Variants in SSR1 observed in about 807,000 individuals in gnomAD.
The protein encoded by SSR1 is translocon-associated protein subunit alpha.
In SSR1, 13 loss-of-function variants were observed where a neutral mutation model predicts 36.1. The observed-to-expected ratio is 0.36, with a 90% CI of 0.23 to 0.57. SSR1 has a LOEUF of 0.57. Ranked by LOEUF, SSR1 falls within the 20% of genes least tolerant of loss-of-function variation. SSR1 has a pLI of 0.81. For synonymous variants in SSR1, 113 were observed against 118.9 expected, an observed-to-expected ratio of 0.95 and a Z score of 0.32; for missense variants, 291 against 338.5, an observed-to-expected ratio of 0.86 and a Z score of 1.10.
intron 1 of SSR1, among the ~76,000 whole-genome samples, chr6:7,312,442 G>T (rs1478369967): frequency 2.0e-5 from 3 of 152,146 alleles, no homozygotes; most frequent in African/African-American, 7.2e-5. Flanking sequence ...GTGACGATGG[G>T]GTAGTTTTTC....
At chr6:7,307,020 T>C (rs1167645356) in intron 2 of SSR1, among the ~76,000 whole-genome samples, 1 of 152,016 alleles carries the variant, frequency 6.6e-6, no homozygotes, top group East Asian at 1.9e-4. Flanking sequence ...CAGCTGTTGA[T>C]ATCTTAGATC....
At position 7,309,408 on chromosome 6, in the gene SSR1, G is replaced by C. The variant is rs1758138364; in HGVS notation, c.192+509C>G. ...GCCCAGGAGTTCGAGGCTGCAGTGAGCTATGCTCGTGCCACTGCACTCCAG... is the reference window on the plus strand; with the variant it reads ...GCCCAGGAGTTCGAGGCTGCAGTGACCTATGCTCGTGCCACTGCACTCCAG... On this transcript the variant is annotated intron_variant, in intron 2 of 7. Transcript: ENST00000244763. Among the ~76,000 whole-genome samples the C allele has an allele frequency of 1.3e-5, 2 of 152,258 alleles. 1 individual carries two copies. The highest frequency in any genetic ancestry group is 4.1e-4 in the South Asian group (2 of 4,830).
chr6:7,309,319 G>A (rs748588999), intron 2 of SSR1, among the ~76,000 whole-genome samples: 4 of 152,136 alleles, frequency 2.6e-5, no homozygotes, highest in African/African-American at 4.8e-5. Context: ...AAAATTAGCC[G>A]GGCTTGTTGG....
intron 6 of SSR1, among the ~76,000 whole-genome samples, chr6:7,296,565 T>C (rs944140900): frequency 2.0e-5 from 3 of 152,210 alleles, no homozygotes; most frequent in Non-Finnish European, 4.4e-5. Flanking sequence ...TAGGGTCTAA[T>C]GAATTATATT....
intron 3 of SSR1, 145 bp from the exon 4 acceptor site, chr6:7,301,717 C>G (rs1757938330): frequency 4.8e-6 from 4 of 838,970 alleles, no homozygotes; most frequent in Non-Finnish European, 7.2e-6. Flanking sequence ...CAGTCACCTA[C>G]TAACGAGAAA....
At chr6:7,309,489 T>C (rs1340339303) in intron 2 of SSR1, among the ~76,000 whole-genome samples, 1 of 144,094 alleles carries the variant, frequency 6.9e-6, no homozygotes, top group Non-Finnish European at 1.5e-5. Flanking sequence ...GGATAAATTC[T>C]AGATGTACTA....
At chr6:7,293,134 C>G (rs1757719701) in intron 7 of SSR1, among the ~76,000 whole-genome samples, 1 of 151,880 alleles carries the variant, frequency 6.6e-6, no homozygotes, top group African/African-American at 2.4e-5. Context: ...AAAGCCTTCC[C>G]TGTACTTAGG....
chr6:7,297,629 T>G (rs531119998), intron 6 of SSR1, among the ~76,000 whole-genome samples: 1 of 151,856 alleles, frequency 6.6e-6, no homozygotes, highest in East Asian at 1.9e-4. Flanking sequence ...GGAGGCTGAG[T>G]TGAGAGGATC....
chr6:7,295,114 GAAAGA>G, intron 7 of SSR1: 1 of 1,519,750 alleles, frequency 6.6e-7, no homozygotes, highest in Non-Finnish European at 8.7e-7. Flanking sequence ...TGAAGCAACA[GAAAGA>G]AAAGAGACAG....
Position 7,286,973 on chromosome 6 carries a change from T to C in SSR1, c.*2891A>G, listed in dbSNP as rs1266834019. 6.7e-6 allele frequency: 1 copy of C among 150,046 alleles called. No homozygotes were observed. The highest frequency in any genetic ancestry group is 1.5e-5 in the Non-Finnish European group (1 of 67,690). The allele number at this position is 150,046 out of a possible 1,614,324, so 9.3% of individuals were successfully genotyped here. On this transcript the variant is annotated 3_prime_UTR_variant, in exon 8 of 8. Coordinates refer to ENST00000244763, the MANE Select transcript of SSR1 (RefSeq NM_003144.5). ...AAGTACTTAAGTACATCTGAAAATGTTTTTAAATTTAAACATCTAATTTAG... is the reference window on the plus strand; with the variant it reads ...AAGTACTTAAGTACATCTGAAAATGCTTTTAAATTTAAACATCTAATTTAG...
intron 6 of SSR1, among the ~76,000 whole-genome samples, chr6:7,296,661 G>T (rs1205679566): frequency 7.2e-6 from 1 of 138,856 alleles, no homozygotes; most frequent in African/African-American, 2.8e-5. Context: ...AAGGAAAGGA[G>T]GAGGGTGAGT....
At chr6:7,310,884 C>A (rs1758178334) in intron 1 of SSR1, among the ~76,000 whole-genome samples, 1 of 152,048 alleles carries the variant, frequency 6.6e-6, no homozygotes, top group African/African-American at 2.4e-5. Context: ...GCACTCCAGC[C>A]TGGGCGACAC....
chr6:7,308,810 GC>G lies in SSR1; in HGVS notation c.192+1106del, dbSNP rs569669679. On this transcript the variant is annotated intron_variant, in intron 2 of 7. Coordinates refer to ENST00000244763, the MANE Select transcript of SSR1 (RefSeq NM_003144.5). ...TTGCCCACCCAGCACCAAGAACAGT[GC>G]CTGGCACATAAGGATTCAGAAATAC... Among the ~76,000 whole-genome samples the G allele has an allele frequency of 2.0e-5, 3 of 152,262 alleles. No homozygotes were observed. In the East Asian group the frequency reaches 5.8e-4, roughly 29 times the overall value.
intron 5 of SSR1, 95 bp downstream of exon 5, chr6:7,298,652 A>G: frequency 1.1e-6 from 1 of 879,648 alleles, no homozygotes; most frequent in Non-Finnish European, 1.9e-6. Context: ...AGTTCATTCC[A>G]TCGTCAACAT....
At chr6:7,295,656 A>G (rs1411643189) in intron 6 of SSR1, among the ~76,000 whole-genome samples, 171 bp from the exon 7 acceptor site, 1 of 151,984 alleles carries the variant, frequency 6.6e-6, no homozygotes, top group Non-Finnish European at 1.5e-5. Context: ...GGCACATACT[A>G]TCATGACCAG....
intron 7 of SSR1, 39 bp downstream of exon 7, chr6:7,295,351 TAA>T (rs750977855): frequency 6.7e-7 from 1 of 1,495,368 alleles, no homozygotes; most frequent in African/African-American, 1.4e-5. Context: ...AATTTCCACT[TAA>T]GAGAAAAACT....
At chr6:7,311,292 C>T (rs1329305944) in intron 1 of SSR1, among the ~76,000 whole-genome samples, 1 of 135,010 alleles carries the variant, frequency 7.4e-6, no homozygotes, top group Non-Finnish European at 1.6e-5. Flanking sequence ...CAGGCAAGAC[C>T]ATAAAAAGAA....
intron 4 of SSR1, 151 bp from the exon 5 acceptor site, chr6:7,298,974 C>T (rs1757864967): frequency 1.6e-6 from 1 of 623,592 alleles, no homozygotes; most frequent in Non-Finnish European, 2.8e-6. Flanking sequence ...CTGCAATATT[C>T]TGTGGCAGGG....
chr6:7,303,642 G>A lies in SSR1; in HGVS notation c.193-5C>T, dbSNP rs1456778985. 7 of 1,599,730 alleles carry A rather than the reference G, an allele frequency of 4.4e-6. No individual in the cohort carries two copies. Among genetic ancestry groups the A allele is most frequent in the Non-Finnish European group, 3.4e-6 (4 of 1,171,270 alleles). ...TTCTTCCTCTTTATCTTCTACCTAA[G>A]AAAAAGAACAATTAAGAGGAGATTA... On this transcript the variant is annotated splice_region_variant and splice_polypyrimidine_tract_variant and intron_variant, in intron 2 of 7. Coordinates refer to ENST00000244763, the MANE Select transcript of SSR1 (RefSeq NM_003144.5).
Sources: allele counts gnomAD v4.1 joint callset (sites outside exome capture counted in the v4.1 genomes callset), GRCh38; gene constraint gnomAD v4.1.1; transcripts MANE v1.5; gene names NCBI Gene and HGNC (gene_info 2026-07-23, HGNC 2026-07-21).